The following VDR variants were observed in gnomAD, a reference collection of about 807,000 sequenced individuals.
VDR encodes vitamin D receptor.
VDR carries 19 observed loss-of-function variants against 39.7 expected under a neutral mutation model. The ratio of observed to expected loss-of-function variants is 0.48; its 90% CI spans 0.33 to 0.70. The LOEUF is 0.70. VDR is among the 30% of genes least tolerant of loss of function. VDR has a pLI of 0.02. For missense variants in VDR, 442 were observed against 570.5 expected (o/e 0.77, Z 2.29); for synonymous variants, 242 against 215.8 (o/e 1.12, Z -1.07).
At chr12:47,890,685 C>T (rs1399836148) in intron 1 of VDR, among the ~76,000 whole-genome samples, 13 of 152,186 alleles carry the variant, frequency 8.5e-5, no homozygotes, top group Admixed American at 7.9e-4. Flanking sequence ...TACCTTTAAA[C>T]TCTCTTGGAT....
At position 47,865,165 on chromosome 12, in the gene VDR, C is replaced by T; in HGVS notation, c.159G>A (p.Lys53=). The T allele has an allele frequency of 6.2e-7, 1 of 1,612,518 alleles. No individual in the cohort carries two copies. Among genetic ancestry groups the T allele is most frequent in the Non-Finnish European group, 8.5e-7 (1 of 1,179,210 alleles). ...AGGGGCAGGTGAATAGTGCCTTCCG[C>T]TTCATGCTTCGCCTGCCGAGAGAGC... ...GCKGFFRRSM[K]RKALFTCPFN... is the part of the protein sequence containing the mutation. Residue 53 remains lysine (K), a synonymous_variant, in exon 4 of 10, where the codon AAG becomes AAA. Coordinates refer to ENST00000549336, the MANE Select transcript of VDR (RefSeq NM_000376.3).
chr12:47,850,558 C>G (rs952001490), intron 7 of VDR, among the ~76,000 whole-genome samples: 5 of 151,390 alleles, frequency 3.3e-5, no homozygotes, highest in Admixed American at 2.6e-4. Flanking sequence ...GCTAGGAACA[C>G]AAACCCAAAA....
chr12:47,877,677 C>T (rs1047067063), intron 3 of VDR, among the ~76,000 whole-genome samples: 6 of 152,158 alleles, frequency 3.9e-5, no homozygotes, highest in Non-Finnish European at 7.3e-5. Context: ...AGGAAAGGGT[C>T]CATGTGTCAC....
intron 3 of VDR, 83 bp from the exon 4 acceptor site, chr12:47,865,260 C>A: frequency 6.3e-7 from 1 of 1,584,714 alleles, no homozygotes; most frequent in South Asian, 1.1e-5. Context: ...GTCTTCTGGG[C>A]CCCCTGGTCT....
At chr12:47,854,031 A>G (rs947564107) in intron 7 of VDR, among the ~76,000 whole-genome samples, 3 of 152,258 alleles carry the variant, frequency 2.0e-5, no homozygotes, top group Non-Finnish European at 4.4e-5. Flanking sequence ...ATTTATATGA[A>G]TGAATTGATA....
intron 8 of VDR, 90 bp downstream of exon 8, chr12:47,846,567 A>G (rs1945284611): frequency 6.3e-7 from 1 of 1,585,404 alleles, no homozygotes; most frequent in African/African-American, 1.4e-5. Context: ...ACTCCCTCCC[A>G]TGTATCTGAT....
intron 2 of VDR, 68 bp downstream of exon 2, chr12:47,882,626 C>CCAGGG: frequency 3.5e-6 from 2 of 569,052 alleles, no homozygotes; most frequent in East Asian, 3.5e-5. Flanking sequence ...TTCTTATGCC[C>CCAGGG]CTCCCCCCCA....
intron 2 of VDR, 134 bp from the exon 3 acceptor site, chr12:47,879,249 G>A (rs1212109548): frequency 2.6e-6 from 3 of 1,135,938 alleles, no homozygotes; most frequent in East Asian, 2.6e-5. Context: ...AGCAAGGGTG[G>A]GCATCTCCCC....
chr12:47,902,741 C>T (rs970960591), intron 1 of VDR, among the ~76,000 whole-genome samples: 5 of 152,198 alleles, frequency 3.3e-5, no homozygotes, highest in African/African-American at 1.2e-4. Flanking sequence ...ATGCCTATTC[C>T]AGCCAGGACA....
At chr12:47,878,940 C>T in intron 3 of VDR, 28 bp downstream of exon 3, 2 of 1,614,146 alleles carry the variant, frequency 1.2e-6, no homozygotes, top group Non-Finnish European at 8.5e-7. Context: ...TCCCTTTCCA[C>T]TGGGGAGAGC....
intron 7 of VDR, among the ~76,000 whole-genome samples, chr12:47,850,738 C>T (rs936834501): frequency 3.9e-5 from 6 of 152,162 alleles, no homozygotes; most frequent in Non-Finnish European, 7.3e-5. Flanking sequence ...TTCCCCCTCC[C>T]TCACCTGTGT....
intron 4 of VDR, among the ~76,000 whole-genome samples, chr12:47,858,490 A>G (rs1323335019): frequency 6.6e-6 from 1 of 152,208 alleles, no homozygotes; most frequent in Non-Finnish European, 1.5e-5. Context: ...TTGCAGCTCT[A>G]ATCTTAGAAG....
chr12:47,881,461 G>T (rs1946148521), intron 2 of VDR, among the ~76,000 whole-genome samples: 1 of 151,954 alleles, frequency 6.6e-6, no homozygotes. Flanking sequence ...TAACAAACCT[G>T]CACAGGTACC....
chr12:47,881,783 C>G (rs1411292545), intron 2 of VDR, among the ~76,000 whole-genome samples: 2 of 151,356 alleles, frequency 1.3e-5, no homozygotes, highest in African/African-American at 4.9e-5. Flanking sequence ...AAGCTGATGC[C>G]TGCAGGTTTT....
intron 9 of VDR, 142 bp from the exon 10 acceptor site, chr12:47,845,147 C>A: frequency 4.5e-6 from 6 of 1,341,082 alleles, no homozygotes; most frequent in Non-Finnish European, 5.2e-6. Context: ...ACCGGTGATA[C>A]CACTGCCTGG....
At chr12:47,856,177 C>A (rs1365948686) in intron 6 of VDR, among the ~76,000 whole-genome samples, 2 of 152,106 alleles carry the variant, frequency 1.3e-5, no homozygotes, top group Admixed American at 6.5e-5. Context: ...ACCTACAAAC[C>A]AGAAACAAAA....
At chr12:47,882,648 GA>G in intron 2 of VDR, 45 bp downstream of exon 2, 5 of 214,096 alleles carry the variant, frequency 2.3e-5, no homozygotes, top group Admixed American at 1.0e-4. Context: ...CCCGCCCCTT[GA>G]AAACAGAAAG....
chr12:47,868,672 C>T lies in VDR; in HGVS notation c.147-3495G>A, dbSNP rs114590014. 5.9e-5 allele frequency among the ~76,000 whole-genome samples: 9 copies of T among 152,278 alleles called. No homozygotes were observed. In the East Asian group the frequency reaches 1.2e-3, roughly 20 times the overall value. ...ACCTTGTGGTTCTTGAGGCTTCATC[C>T]GTCACCACAAATGCTCAGGCCTCAG... On this transcript the variant is annotated intron_variant, in intron 3 of 9. Transcript: ENST00000549336.
At position 47,846,454 on chromosome 12, in the gene VDR, G is replaced by A. The variant is rs1359530936; in HGVS notation, c.908-3C>T. 6.4e-7 allele frequency: 1 copy of A among 1,563,244 alleles called. No homozygotes were observed. The highest frequency in any genetic ancestry group is 8.7e-7 in the Non-Finnish European group (1 of 1,153,800). ...AATCAGCTCCAGGCTGTGTCCGGCT[G>A]TGAGAGACAATGGCCAGGTACTGCG... On this transcript the variant is annotated splice_region_variant and splice_polypyrimidine_tract_variant and intron_variant, in intron 8 of 9. Coordinates refer to ENST00000549336, the MANE Select transcript of VDR (RefSeq NM_000376.3).
Sources: allele counts gnomAD v4.1 joint callset (sites outside exome capture counted in the v4.1 genomes callset), GRCh38; gene constraint gnomAD v4.1.1; transcripts MANE v1.5; gene names NCBI Gene and HGNC (gene_info 2026-07-23, HGNC 2026-07-21).